The following FTO variants were observed in gnomAD, a reference collection of about 807,000 sequenced individuals.
FTO encodes alpha-ketoglutarate-dependent dioxygenase FTO.
In FTO, 47 loss-of-function variants were observed where a neutral mutation model predicts 63.9. The observed-to-expected ratio is 0.74, with a 90% CI of 0.58 to 0.94. The LOEUF (loss-of-function observed/expected upper bound fraction) is 0.94. Ranked by LOEUF, FTO falls within the 40% of genes least tolerant of loss-of-function variation. The probability of loss-of-function intolerance (pLI) is 0.00; values close to 1 mark genes in which losing one functional copy is unlikely to be tolerated. For missense variants in FTO, 562 were observed against 618.1 expected (o/e 0.91, Z 0.96); for synonymous variants, 207 against 224.4 (o/e 0.92, Z 0.69).
In FTO at chr16:54,096,841, T is replaced by C. The variant is rs1443944224; in HGVS notation, c.1365-14921T>C. Among the ~76,000 whole-genome samples the C allele has an allele frequency of 2.0e-5, 3 of 152,176 alleles. No homozygotes were observed. The East Asian group carries it at 5.8e-4, about 29-fold the overall frequency. ...CCTAATTACCTCCCAAAGGCCGACCTTCAGATACTGTCACATTAGAGGCTA... is the reference window on the plus strand; with the variant it reads ...CCTAATTACCTCCCAAAGGCCGACCCTCAGATACTGTCACATTAGAGGCTA... On this transcript the variant is annotated intron_variant, in intron 8 of 8. Coordinates refer to ENST00000471389, the MANE Select transcript of FTO (RefSeq NM_001080432.3).
intron 2 of FTO, among the ~76,000 whole-genome samples, chr16:53,818,349 G>T (rs2078758760): frequency 6.6e-6 from 1 of 152,014 alleles, no homozygotes; most frequent in Non-Finnish European, 1.5e-5. Context: ...TGTTTTCACT[G>T]TGGTAGACTG....
chr16:53,734,414 A>G (rs2076342260), intron 1 of FTO, among the ~76,000 whole-genome samples: 1 of 152,266 alleles, frequency 6.6e-6, no homozygotes, highest in Non-Finnish European at 1.5e-5. Context: ...TTAATGTTTC[A>G]AAAACGATAG....
At chr16:54,022,097 T>C (rs1488993655) in intron 8 of FTO, among the ~76,000 whole-genome samples, 1 of 152,094 alleles carries the variant, frequency 6.6e-6, no homozygotes, top group Non-Finnish European at 1.5e-5. Flanking sequence ...AACCTTTCCA[T>C]CACTTCACCT....
chr16:53,910,155 T>C (rs2081651175), intron 7 of FTO, among the ~76,000 whole-genome samples: 1 of 152,176 alleles, frequency 6.6e-6, no homozygotes, highest in Non-Finnish European at 1.5e-5. Flanking sequence ...GGGATGGCTC[T>C]GTAACGTTAG....
chr16:53,756,968 A>G (rs1348709455), intron 1 of FTO, among the ~76,000 whole-genome samples: 3 of 152,224 alleles, frequency 2.0e-5, no homozygotes, highest in Non-Finnish European at 2.9e-5. Context: ...CAAGTTTTGT[A>G]GCGTTGTTGT....
intron 1 of FTO, among the ~76,000 whole-genome samples, chr16:53,760,229 T>TTTTTTTTTTTTTTTTGG (rs2077028377): frequency 1.5e-5 from 1 of 67,722 alleles, no homozygotes; most frequent in Non-Finnish European, 3.7e-5. Context: ...TGTGTGTGTG[T>TTTTTTTTTTTTTTTTGG]GTGTGTGTGT....
At chr16:54,035,454 G>A (rs2084923197) in intron 8 of FTO, among the ~76,000 whole-genome samples, 1 of 152,178 alleles carries the variant, frequency 6.6e-6, no homozygotes, top group Admixed American at 6.5e-5. Flanking sequence ...CTGGATAGCA[G>A]AACTCCTCCC....
intron 8 of FTO, 28 bp from the exon 9 acceptor site, chr16:54,111,734 G>T: frequency 1.2e-6 from 2 of 1,613,974 alleles, no homozygotes. Context: ...TCCTCCCGTG[G>T]ATTAATTTCC....
intron 7 of FTO, among the ~76,000 whole-genome samples, chr16:53,912,539 T>C (rs1249933478): frequency 6.6e-6 from 1 of 152,252 alleles, no homozygotes; most frequent in African/African-American, 2.4e-5. Context: ...GGGGAAATTC[T>C]TTCTTGTTTT....
intron 8 of FTO, among the ~76,000 whole-genome samples, chr16:53,959,251 T>G (rs1352179669): frequency 6.6e-6 from 1 of 152,176 alleles, no homozygotes; most frequent in Non-Finnish European, 1.5e-5. Context: ...GAGCCCATGC[T>G]CTAGGCCAGT....
intron 8 of FTO, among the ~76,000 whole-genome samples, chr16:53,954,512 A>G (rs1287413411): frequency 6.6e-6 from 1 of 152,270 alleles, no homozygotes; most frequent in East Asian, 1.9e-4. Context: ...ATGAAGGGTA[A>G]GTAAAGTCAA....
At position 54,051,412 on chromosome 16, in the gene FTO, T is replaced by G. The variant is rs561414520; in HGVS notation, c.1365-60350T>G. 1.2e-4 allele frequency among the ~76,000 whole-genome samples: 18 copies of G among 152,358 alleles called. No homozygotes were observed. In the East Asian group the frequency reaches 3.5e-3, roughly 29 times the overall value. ...TTTGCAAGTATCTCAGGGTTAGAAGTGTCTAAGGATTTGAGACTGTGATTC... is the reference window on the plus strand; with the variant it reads ...TTTGCAAGTATCTCAGGGTTAGAAGGGTCTAAGGATTTGAGACTGTGATTC... On this transcript the variant is annotated intron_variant, in intron 8 of 8. Transcript: ENST00000471389.
intron 1 of FTO, among the ~76,000 whole-genome samples, chr16:53,710,885 CA>C (rs1234206043): frequency 6.6e-6 from 1 of 151,454 alleles, no homozygotes; most frequent in African/African-American, 2.4e-5. Flanking sequence ...CCTTAAGTTA[CA>C]ATATAGTGGT....
At chr16:53,986,120 A>G (rs973715836) in intron 8 of FTO, among the ~76,000 whole-genome samples, 4 of 152,200 alleles carry the variant, frequency 2.6e-5, no homozygotes, top group Non-Finnish European at 4.4e-5. Flanking sequence ...GCTTCTACTG[A>G]TAGACTATTC....
Position 53,746,887 on chromosome 16 carries a change from C to T in FTO, c.45+42658C>T, listed in dbSNP as rs141983522. ...AACACTCCTAGCCTTGGGTACCCAC[C>T]ATTCTATTCTTTGCTTCTTTGAGTT... On this transcript the variant is annotated intron_variant, in intron 1 of 8. Transcript: ENST00000471389. Among the ~76,000 whole-genome samples the T allele has an allele frequency of 3.8e-3, 586 of 152,232 alleles. 4 individuals carry two copies. Among genetic ancestry groups the T allele is most frequent in the African/African-American group, 0.013 (541 of 41,560 alleles).
rs79523705 is a variant in FTO at position 54,030,402 on chromosome 16, C to T, written c.1365-81360C>T. On this transcript the variant is annotated intron_variant, in intron 8 of 8. Transcript: ENST00000471389. The stretch of plus-strand genomic sequence containing the variant: ...TGGAAGAAAGGTAAAATAAGGACTT[C>T]GTTGTATAAAAAGCATTATCTGGCA... 2.8e-3 allele frequency among the ~76,000 whole-genome samples: 432 copies of T among 152,182 alleles called. 6 individuals are homozygous for T. The highest frequency in any genetic ancestry group is 0.01 in the African/African-American group (418 of 41,524).
chr16:53,932,460 G>C (rs929425452), intron 7 of FTO, among the ~76,000 whole-genome samples: 5 of 150,708 alleles, frequency 3.3e-5, no homozygotes, highest in Non-Finnish European at 7.4e-5. Context: ...TGTGATCTCA[G>C]CTCATGCAAA....
intron 8 of FTO, among the ~76,000 whole-genome samples, chr16:53,966,760 G>C (rs148777468): frequency 2.2e-3 from 338 of 152,262 alleles, no homozygotes; most frequent in Non-Finnish European, 3.5e-3. Flanking sequence ...ATCACAAAAA[G>C]AAAGAAACTT....
intron 4 of FTO, among the ~76,000 whole-genome samples, chr16:53,870,568 C>T (rs1017277216): frequency 6.6e-6 from 1 of 152,200 alleles, no homozygotes; most frequent in Non-Finnish European, 1.5e-5. Context: ...TCATTGAAAG[C>T]CACTGCTCTT....
Sources: gnomAD v4.1 joint callset for allele counts (sites outside exome capture counted in the v4.1 genomes callset) on GRCh38, gnomAD v4.1.1 for gene constraint, MANE v1.5 for transcripts, NCBI Gene and HGNC (gene_info 2026-07-23, HGNC 2026-07-21) for gene names.